Variants in KCTD3 observed in about 807,000 individuals in gnomAD.
KCTD3 encodes the protein potassium channel tetramerization domain containing 3, also known as BTB/POZ domain-containing protein KCTD3.
In KCTD3, 41 loss-of-function variants were observed where a neutral mutation model predicts 85.8. The observed-to-expected ratio is 0.48, with a 90% CI of 0.37 to 0.62. The LOEUF (loss-of-function observed/expected upper bound fraction) is 0.62. Among genes scored for constraint, KCTD3 ranks in the 20% least tolerant of loss-of-function variants. The pLI is 0.00. For synonymous variants in KCTD3, 338 were observed against 345.4 expected, an observed-to-expected ratio of 0.98 and a Z score of 0.24; for missense variants, 724 against 989.9, an observed-to-expected ratio of 0.73 and a Z score of 3.60.
intron 10 of KCTD3, among the ~76,000 whole-genome samples, chr1:215,601,007 C>T (rs1415360139): frequency 3.3e-5 from 5 of 151,944 alleles, no homozygotes; most frequent in East Asian, 1.9e-4. Flanking sequence ...GCACAATCCC[C>T]GCTCACCGCA....
intron 9 of KCTD3, among the ~76,000 whole-genome samples, chr1:215,592,206 C>T (rs12080379): frequency 0.12 from 18,392 of 152,164 alleles, 1,202 homozygotes; most frequent in African/African-American, 0.18. Flanking sequence ...CAGAACCAAA[C>T]TGTATCACTT....
intron 4 of KCTD3, among the ~76,000 whole-genome samples, chr1:215,576,376 G>T (rs1054924714): frequency 7.1e-6 from 1 of 141,758 alleles, no homozygotes; most frequent in African/African-American, 2.6e-5. Flanking sequence ...GCCAGAAAAG[G>T]TTTTTTTTTT....
intron 4 of KCTD3, among the ~76,000 whole-genome samples, chr1:215,576,622 T>C (rs1659593902): frequency 6.6e-6 from 1 of 151,692 alleles, no homozygotes; most frequent in African/African-American, 2.4e-5. Context: ...AGACTGAGTC[T>C]TACTCTGTCA....
At chr1:215,579,700 G>A (rs746859457) in intron 7 of KCTD3, among the ~76,000 whole-genome samples, 1 of 151,868 alleles carries the variant, frequency 6.6e-6, no homozygotes, top group Non-Finnish European at 1.5e-5. Flanking sequence ...AGGTTTCACC[G>A]TGTTAGCCAG....
chr1:215,576,315 C>T (rs780355090), intron 4 of KCTD3, among the ~76,000 whole-genome samples: 18 of 151,892 alleles, frequency 1.2e-4, no homozygotes, highest in Non-Finnish European at 1.9e-4. Flanking sequence ...GCAGTCTCCC[C>T]GCCTTAGCCT....
At chr1:215,605,719 A>C (rs537715963) in intron 13 of KCTD3, among the ~76,000 whole-genome samples, 2 of 152,176 alleles carry the variant, frequency 1.3e-5, no homozygotes, top group Non-Finnish European at 2.9e-5. Flanking sequence ...CTACTTATCT[A>C]CTCAAGCTGA....
intron 13 of KCTD3, among the ~76,000 whole-genome samples, chr1:215,606,566 AGAG>A (rs1235102864): frequency 3.9e-5 from 6 of 152,104 alleles, no homozygotes; most frequent in African/African-American, 1.4e-4. Flanking sequence ...GATAATGTAT[AGAG>A]ATACTCTGTA....
rs764943756 is a variant in KCTD3, at chr1:215,620,046, CTG to C, written c.1887-9_1887-8del. Reference sequence around the variant, plus strand: ...AAATCTGAACTGTCATTTTTAAAAACTGTATTTCAGCCTTCAGCTTCAGCACC... The same window carrying C: ...AAATCTGAACTGTCATTTTTAAAAACTATTTCAGCCTTCAGCTTCAGCACC... On this transcript the variant is annotated splice_polypyrimidine_tract_variant and intron_variant, in intron 17 of 17. Transcript: ENST00000259154. 2.6e-6 allele frequency: 4 copies of C among 1,548,400 alleles called. No homozygotes were observed. Among genetic ancestry groups the C allele is most frequent in the East Asian group, 2.3e-5 (1 of 44,320 alleles).
intron 8 of KCTD3, among the ~76,000 whole-genome samples, chr1:215,581,607 A>C (rs1221070889): frequency 1.3e-5 from 2 of 152,190 alleles, no homozygotes; most frequent in African/African-American, 4.8e-5. Context: ...TTATTACGCA[A>C]AATTTAACTC....
intron 10 of KCTD3, among the ~76,000 whole-genome samples, chr1:215,600,143 T>G (rs1461506526): frequency 6.6e-6 from 1 of 152,190 alleles, no homozygotes; most frequent in African/African-American, 2.4e-5. Flanking sequence ...TATAAAATGT[T>G]TTGGCATTGG....
intron 12 of KCTD3, 38 bp from the exon 13 acceptor site, chr1:215,604,094 C>T (rs1165101320): frequency 1.3e-6 from 2 of 1,499,628 alleles, no homozygotes; most frequent in South Asian, 1.3e-5. Flanking sequence ...TATTATCGTT[C>T]CATAATGTAT....
intron 10 of KCTD3, among the ~76,000 whole-genome samples, chr1:215,597,545 C>T (rs2102585069): frequency 6.6e-6 from 1 of 152,208 alleles, no homozygotes; most frequent in Non-Finnish European, 1.5e-5. Flanking sequence ...AATCAGATAA[C>T]TCTGTGTGTA....
chr1:215,588,542 C>G (rs2102572878), intron 9 of KCTD3, among the ~76,000 whole-genome samples: 1 of 152,126 alleles, frequency 6.6e-6, no homozygotes, highest in East Asian at 2.0e-4. Flanking sequence ...AGTAAGGTAC[C>G]TGCTGTTTTT....
In KCTD3 at chr1:215,620,882, G is replaced by C. The variant is rs1655661465; in HGVS notation, c.*264G>C. 7.1e-6 allele frequency: 3 copies of C among 425,248 alleles called. No homozygotes were observed. In the South Asian group the frequency reaches 2.0e-4, roughly 29 times the overall value. 26.3% of individuals were successfully genotyped at this position (425,248 alleles called of 1,614,324 possible). On this transcript the variant is annotated 3_prime_UTR_variant, in exon 18 of 18. Transcript: ENST00000259154. Reference sequence around the variant, plus strand: ...ATTTTAACACTTACCGACTTTTTTTGGTTTGGAAACATATTACCACGTCTT... The same window carrying C: ...ATTTTAACACTTACCGACTTTTTTTCGTTTGGAAACATATTACCACGTCTT...
intron 9 of KCTD3, among the ~76,000 whole-genome samples, chr1:215,590,487 T>C (rs894999685): frequency 2.0e-5 from 3 of 152,160 alleles, no homozygotes; most frequent in African/African-American, 7.2e-5. Context: ...TTGAGCTTTC[T>C]AGATCACTTT....
chr1:215,592,427 C>T (rs543384276), intron 9 of KCTD3, among the ~76,000 whole-genome samples: 11 of 151,752 alleles, frequency 7.2e-5, no homozygotes, highest in African/African-American at 2.7e-4. Flanking sequence ...TTTATTCTAT[C>T]GTGATCGACA....
intron 1 of KCTD3, among the ~76,000 whole-genome samples, chr1:215,571,874 G>A (rs925659718): frequency 6.6e-6 from 1 of 152,174 alleles, no homozygotes; most frequent in Non-Finnish European, 1.5e-5. Flanking sequence ...CTCGTGATCT[G>A]CCCGCCTCGG....
At chr1:215,578,152 A>C in intron 6 of KCTD3, 71 bp downstream of exon 6, 1 of 1,208,106 alleles carries the variant, frequency 8.3e-7, no homozygotes, top group Admixed American at 1.9e-5. Flanking sequence ...TATGAATAGG[A>C]AAAACTGCTC....
At chr1:215,591,287 T>TTTGCTTCC (rs1660198752) in intron 9 of KCTD3, among the ~76,000 whole-genome samples, 1 of 110,932 alleles carries the variant, frequency 9.0e-6, no homozygotes, top group African/African-American at 3.5e-5. Context: ...TCCTTCCTTC[T>TTTGCTTCC]TTCCTTCCTT....
Sources: gnomAD v4.1 joint callset for allele counts (sites outside exome capture counted in the v4.1 genomes callset) on GRCh38, gnomAD v4.1.1 for gene constraint, MANE v1.5 for transcripts, NCBI Gene and HGNC (gene_info 2026-07-23, HGNC 2026-07-21) for gene names.